Variants in BAG6 observed in about 807,000 individuals in gnomAD.
BAG6 encodes the protein BAG cochaperone 6.
BAG6 carries 22 observed loss-of-function variants against 121.0 expected under a neutral mutation model. That is an observed-to-expected ratio of 0.18 (90% CI 0.13 to 0.26). The LOEUF is 0.26. BAG6 is among the 10% of genes least tolerant of loss of function. BAG6 has a pLI of 1.00. For missense variants in BAG6, 1,233 were observed against 1,537.7 expected, an observed-to-expected ratio of 0.80 and a Z score of 3.31; for synonymous variants, 583 against 584.6, an observed-to-expected ratio of 1.00 and a Z score of 0.04.
chr6:31,645,608 C>T lies in BAG6; in HGVS notation c.919-4G>A, dbSNP rs764800546. 19 of 1,612,670 alleles carry T rather than the reference C, an allele frequency of 1.2e-5. No individual in the cohort carries two copies. The highest frequency in any genetic ancestry group is 2.2e-5 in the South Asian group (2 of 91,050). Reference sequence around the variant, plus strand: ...GATCCTCCTCCCGGCCCTCGTGCTGCGCACAACCAGCCAAACACAAAAAGG... The same window carrying T: ...GATCCTCCTCCCGGCCCTCGTGCTGTGCACAACCAGCCAAACACAAAAAGG... On this transcript the variant is annotated splice_polypyrimidine_tract_variant and splice_region_variant and intron_variant, in intron 8 of 25. Transcript: ENST00000676615.
At chr6:31,647,890 C>G in intron 6 of BAG6, 64 bp from the exon 7 acceptor site, 1 of 1,474,572 alleles carries the variant, frequency 6.8e-7, no homozygotes, top group Non-Finnish European at 9.0e-7. Flanking sequence ...GATTACTCTA[C>G]AGGAGACTGA....
Position 31,640,245 on chromosome 6 carries a change from G to A in BAG6, c.3200C>T (p.Pro1067Leu), listed in dbSNP as rs747029478. 14 of 1,614,120 alleles carry A rather than the reference G, an allele frequency of 8.7e-6. No homozygotes were observed. Among genetic ancestry groups the A allele is most frequent in the Admixed American group, 6.7e-5 (4 of 60,004 alleles). The change falls in exon 24 of 26, where the codon CCT becomes CTT. Residue 1067 changes from proline to leucine, a missense_variant. This residue lies in a region of BAG6 where 288 missense variants were observed against 483.1 expected (regional missense o/e 0.60). Coordinates refer to ENST00000676615, the MANE Select transcript of BAG6 (RefSeq NM_001387994.1). This position sits in a 1 kb window ranked among gnomAD's most constrained non-coding sequence, Gnocchi z 4.2. ...QSQRKVKPQPPLSDAYLSGMP... is the reference protein window; with the variant it reads ...QSQRKVKPQPLLSDAYLSGMP... ...ACCACTGAGGTAGGCATCACTCAGA[G>A]GGGGCTGCGGTTTCACCTTCCGCTG...
intron 14 of BAG6, 83 bp downstream of exon 14, chr6:31,643,807 A>G (rs1438181997): frequency 2.1e-6 from 3 of 1,415,460 alleles, no homozygotes; most frequent in Non-Finnish European, 2.9e-6. Context: ...AGGAACCAAG[A>G]AAATATGGAA....
chr6:31,649,148 C>T (rs1561952681), intron 4 of BAG6, 51 bp downstream of exon 4: 3 of 1,603,448 alleles, frequency 1.9e-6, no homozygotes, highest in East Asian at 2.2e-5. Context: ...CCTGGTGCTA[C>T]CACAACCAAA....
chr6:31,649,054 T>C, intron 4 of BAG6, 90 bp from the exon 5 acceptor site: 1 of 1,497,708 alleles, frequency 6.7e-7, no homozygotes, highest in Non-Finnish European at 9.0e-7. Context: ...CTACCTCCTT[T>C]TCTCCTTAAA....
intron 1 of BAG6, chr6:31,652,086 C>T: frequency 3.6e-6 from 1 of 274,838 alleles, no homozygotes. Context: ...TCACCGGTCA[C>T]GGCAGGACAA....
intron 7 of BAG6, 81 bp downstream of exon 7, chr6:31,647,510 C>G (rs1791127688): frequency 1.3e-6 from 2 of 1,578,364 alleles, no homozygotes; most frequent in Non-Finnish European, 1.7e-6. Flanking sequence ...AATCCTTTCC[C>G]TCCCTTGCCA....
At position 31,648,735 on chromosome 6, in the gene BAG6, C is replaced by T. The variant is rs747053584; in HGVS notation, c.494G>A (p.Arg165Gln). 6.2e-6 allele frequency: 10 copies of T among 1,613,936 alleles called. No homozygotes were observed. The highest frequency in any genetic ancestry group is 2.7e-5 in the African/African-American group (2 of 74,876). Residue 165 changes from arginine to glutamine, a missense_variant, in exon 6 of 26, where the codon CGG (arginine) becomes CAG (glutamine). By Grantham distance (43) the Arg-to-Gln change is conservative (BLOSUM62 1). Around this residue, in one of 7 missense-constraint regions of BAG6, gnomAD observed 777 missense variants for 861.4 expected, o/e 0.90. Transcript: ENST00000676615. ...GATCATGTGCTGAGCCATCACCAGC[C>T]GTACCCGGGGCTCACTCTACAATGA... ...QAPIQSEPRV[R>Q]LVMAQHMIRD... is the part of the protein sequence containing the mutation.
chr6:31,649,212 G>A lies in BAG6; in HGVS notation c.410C>T (p.Thr137Ile). The A allele has an allele frequency of 6.2e-7, 1 of 1,612,998 alleles. No homozygotes were observed. The highest frequency in any genetic ancestry group is 8.5e-7 in the Non-Finnish European group (1 of 1,180,026). ...ACATAAGCTTACAGGAAGATTGAAG[G>A]TTCCAACCATGACATAGCTGTTGGC... ...RNANSYVMVG[T>I]FNLPSDGSAV... Residue 137 changes from threonine to isoleucine, a missense_variant, in exon 4 of 26, where the codon ACC (threonine) becomes ATC (isoleucine). Thr to Ile is a moderately conservative substitution (Grantham distance 89). Coordinates refer to ENST00000676615, the MANE Select transcript of BAG6 (RefSeq NM_001387994.1).
Position 31,639,591 on chromosome 6 carries a change from G to A in BAG6, c.3302C>T (p.Ala1101Val), listed in dbSNP as rs767561330. ...LLLSEAVSRA[A>V]KAAGARPLTS... ...CAGGGGCCGAGCTCCGGCTGCCTTA[G>A]CTGCCCGGCTCACAGCCTCTGAGAG... The change falls in exon 25 of 26, where the codon GCT becomes GTT. Residue 1101 changes from alanine to valine, a missense_variant. Transcript: ENST00000676615. 6.2e-7 allele frequency: 1 copy of A among 1,613,920 alleles called. No individual in the cohort carries two copies. Among genetic ancestry groups the A allele is most frequent in the African/African-American group, 1.3e-5 (1 of 74,926 alleles).
rs1781950311 is a variant in BAG6 at position 31,640,743 on chromosome 6, C to G, written c.2935-39G>C. On this transcript the variant is annotated intron_variant, in intron 21 of 25. Transcript: ENST00000676615. This position sits in a 1 kb window ranked among gnomAD's most constrained non-coding sequence, Gnocchi z 4.2. ...GAACACCATACTTCCTCTCAGATCT[C>G]TCCAGTTCTCTCAAGTACCCTGACC... The G allele has an allele frequency of 1.2e-6, 2 of 1,612,952 alleles. No homozygotes were observed. Among genetic ancestry groups the G allele is most frequent in the Non-Finnish European group, 1.7e-6 (2 of 1,180,020 alleles).
At chr6:31,651,998 G>A in intron 1 of BAG6, 4 of 488,364 alleles carry the variant, frequency 8.2e-6, no homozygotes, top group South Asian at 2.9e-5. Flanking sequence ...GAGGTGGGAG[G>A]GGCTCCACGA....
rs1561882657 is a variant in BAG6 at position 31,641,092 on chromosome 6, GGTGGT to G, written c.2787+7_2787+11del. On this transcript the variant is annotated splice_region_variant and intron_variant, in intron 20 of 25. Coordinates refer to ENST00000676615, the MANE Select transcript of BAG6 (RefSeq NM_001387994.1). This position sits in a 1 kb window ranked among gnomAD's most constrained non-coding sequence, Gnocchi z 5.7. The stretch of plus-strand genomic sequence containing the variant: ...ACAAAAGGCTAAGGATCTGGGGCTA[GGTGGT>G]GCTTACAATTCGGCCATTGATAACA... 2 of 1,612,832 alleles carry G rather than the reference GGTGGT, an allele frequency of 1.2e-6. No individual in the cohort carries two copies. The highest frequency in any genetic ancestry group is 3.3e-5 in the Admixed American group (2 of 59,998).
chr6:31,651,804 C>A, intron 1 of BAG6, 28 bp from the exon 2 acceptor site: 1 of 1,565,062 alleles, frequency 6.4e-7, no homozygotes, highest in East Asian at 2.2e-5. Context: ...AAGGAAGGCC[C>A]GCTGTTGCCC....
Position 31,640,391 on chromosome 6 carries a change from G to C in BAG6, c.3132C>G (p.Val1044=), listed in dbSNP as rs753301431. 4 of 1,614,172 alleles carry C rather than the reference G, an allele frequency of 2.5e-6. No homozygotes were observed. In the South Asian group the frequency reaches 4.4e-5, roughly 18 times the overall value. Residue 1044 remains valine, a synonymous_variant, in exon 23 of 26, where the codon GTC becomes GTG. Transcript: ENST00000676615. This position sits in a 1 kb window ranked among gnomAD's most constrained non-coding sequence, Gnocchi z 4.2. ...SAETEPWAAA[V]PPEWVPIIQQ... ...ATTACTTCCTGACACTTACTGGGGG[G>C]ACTGCAGCTGCCCAAGGTTCTGTCT...
rs1383411818 is a variant in BAG6 at position 31,649,413 on chromosome 6, C to T, written c.227-18G>A. 2 of 1,602,782 alleles carry T rather than the reference C, an allele frequency of 1.2e-6. No homozygotes were observed. The highest frequency in any genetic ancestry group is 1.7e-6 in the Non-Finnish European group (2 of 1,173,898). On this transcript the variant is annotated intron_variant, in intron 3 of 25. Transcript: ENST00000676615. The stretch of plus-strand genomic sequence containing the variant: ...CCCAACATCTGCAGAAAAATAGACA[C>T]ACACCAAAACATAGTATGAACAGGT...
chr6:31,645,673 C>T (rs555457473), intron 8 of BAG6, 69 bp from the exon 9 acceptor site: 1 of 1,548,384 alleles, frequency 6.5e-7, no homozygotes, highest in East Asian at 2.4e-5. Flanking sequence ...CTAATAAAAG[C>T]AATAATGCCT....
Position 31,642,367 on chromosome 6 carries a change from G to T in BAG6, c.2080C>A (p.Pro694Thr). Reference protein sequence around the residue: ...QTAPPPPPPPPPPPPAPEQQT... With the variant: ...QTAPPPPPPPTPPPPAPEQQT... ...TGCTCTGGGGCAGGTGGTGGGGGTG[G>T]AGGAGGTGGGGGTGGTGGAGGGGCT... The change falls in exon 16 of 26, where the codon CCA becomes ACA. Residue 694 changes from proline (P) to threonine (T), a missense_variant. By Grantham distance (38) the Pro-to-Thr change is conservative. Around this residue, in one of 7 missense-constraint regions of BAG6, gnomAD observed 777 missense variants for 861.4 expected, o/e 0.90. Coordinates refer to ENST00000676615, the MANE Select transcript of BAG6 (RefSeq NM_001387994.1). 2 of 814,352 alleles carry T rather than the reference G, an allele frequency of 2.5e-6. No homozygotes were observed. The highest frequency in any genetic ancestry group is 3.7e-6 in the Non-Finnish European group (2 of 534,252). 50.4% of individuals were successfully genotyped at this position (814,352 alleles called of 1,614,324 possible).
At position 31,649,291 on chromosome 6, in the gene BAG6, C is replaced by A. The variant is rs1364908314; in HGVS notation, c.331G>T (p.Gly111Trp). Residue 111 changes from glycine (G) to tryptophan (W), a missense_variant, in exon 4 of 26, where the codon GGG becomes TGG. By Grantham distance (184) the Gly-to-Trp change is radical. Coordinates refer to ENST00000676615, the MANE Select transcript of BAG6 (RefSeq NM_001387994.1). ...CCCCGAGTACCAGGGGGGGATCCCC[C>A]ACCATGAGTGGCTGAGGCAGACCCC... The part of the protein sequence containing the change: ...GTGSASATHG[G>W]GSPPGTRGPG... 2 of 1,613,156 alleles carry A rather than the reference C, an allele frequency of 1.2e-6. No homozygotes were observed. The highest frequency in any genetic ancestry group is 2.7e-5 in the African/African-American group (2 of 74,926).
Sources: gnomAD v4.1 joint callset for allele counts on GRCh38, gnomAD v4.1.1 for gene constraint, gnomAD v4.1.1 regional missense constraint, Gnocchi (gnomAD v3.1) non-coding constraint, MANE v1.5 for transcripts, NCBI Gene and HGNC (gene_info 2026-07-23, HGNC 2026-07-21) for gene names.